The following DHX8 variants were observed in gnomAD, a reference collection of about 807,000 sequenced individuals.
DHX8 encodes the protein ATP-dependent RNA helicase DHX8.
DHX8 carries 67 observed loss-of-function variants against 140.7 expected under a neutral mutation model. The observed-to-expected ratio is 0.48, with a 90% CI of 0.39 to 0.58. The LOEUF is 0.58. DHX8 is among the 20% of genes least tolerant of loss of function. The pLI is 0.00. For missense variants in DHX8, 887 were observed against 1,550.7 expected, an observed-to-expected ratio of 0.57 and a Z score of 7.19; for synonymous variants, 533 against 553.2, an observed-to-expected ratio of 0.96 and a Z score of 0.51.
chr17:43,498,831 T>C lies in DHX8; in HGVS notation c.1301-31T>C, dbSNP rs1301226159. On this transcript the variant is annotated intron_variant, in intron 9 of 22. Transcript: ENST00000262415. ...GAAAATTGTTATTTTTTCTTGTTTA[T>C]GGCTAATTCTTCTTTTGGGGGGACT... 3 of 1,532,354 alleles carry C rather than the reference T, an allele frequency of 2.0e-6. No individual in the cohort carries two copies. In the East Asian group the frequency reaches 7.0e-5, roughly 36 times the overall value. 94.9% of individuals were successfully genotyped at this position (1,532,354 alleles called of 1,614,324 possible).
intron 8 of DHX8, among the ~76,000 whole-genome samples, 173 bp from the exon 9 acceptor site, chr17:43,496,008 G>A (rs1234380165): frequency 6.6e-6 from 1 of 152,112 alleles, no homozygotes; most frequent in Non-Finnish European, 1.5e-5. Context: ...TGAGGTAGGA[G>A]GATTGGTTGA....
At chr17:43,522,565 A>G (rs1170181180) in intron 22 of DHX8, among the ~76,000 whole-genome samples, 2 of 151,844 alleles carry the variant, frequency 1.3e-5, no homozygotes, top group Non-Finnish European at 2.9e-5. Flanking sequence ...CCTGACCAAC[A>G]TGGAGAAACC....
intron 17 of DHX8, among the ~76,000 whole-genome samples, chr17:43,514,819 T>C (rs1026001113): frequency 6.6e-6 from 1 of 152,226 alleles, no homozygotes; most frequent in Non-Finnish European, 1.5e-5. Flanking sequence ...TGCCATAGAA[T>C]GTTGGTGGCA....
chr17:43,498,729 G>T, intron 9 of DHX8, 133 bp from the exon 10 acceptor site: 1 of 620,144 alleles, frequency 1.6e-6, no homozygotes. Flanking sequence ...GATTACAGGC[G>T]TGAGCCACCA....
intron 3 of DHX8, among the ~76,000 whole-genome samples, chr17:43,539,019 A>C (rs535491051): frequency 7.2e-5 from 11 of 152,176 alleles, no homozygotes; most frequent in African/African-American, 2.2e-4. Context: ...CTTGGATTTC[A>C]CCCACGGCCT....
chr17:43,530,259 C>CT, downstream of DHX8: 1 of 1,539,068 alleles, frequency 6.5e-7, no homozygotes, highest in African/African-American at 1.4e-5. Context: ...GTCCTATCCA[C>CT]ATTCAAGAAT....
chr17:43,486,570 T>C (rs921657982), intron 1 of DHX8, among the ~76,000 whole-genome samples: 3 of 152,152 alleles, frequency 2.0e-5, no homozygotes, highest in African/African-American at 4.8e-5. Flanking sequence ...CCCTGTATAA[T>C]TGTGAAAATT....
At chr17:43,490,529 G>A in intron 3 of DHX8, 66 bp downstream of exon 3, 1 of 1,342,536 alleles carries the variant, frequency 7.4e-7, no homozygotes, top group South Asian at 1.2e-5. Flanking sequence ...CCTGTAAATT[G>A]CATTTGTTTT....
chr17:43,535,546 G>C (rs532419033), intron 2 of DHX8, among the ~76,000 whole-genome samples: 1 of 152,248 alleles, frequency 6.6e-6, no homozygotes, highest in East Asian at 1.9e-4. Flanking sequence ...CAAAGTGCTG[G>C]GATTACAGGC....
chr17:43,494,780 T>C (rs1332255728), intron 8 of DHX8, among the ~76,000 whole-genome samples: 1 of 150,632 alleles, frequency 6.6e-6, no homozygotes, highest in African/African-American at 2.4e-5. Flanking sequence ...GTAATTGCTA[T>C]GTAAGTCTTC....
At chr17:43,528,620 C>T, downstream of DHX8, 1 of 1,614,032 alleles carries the variant, frequency 6.2e-7, no homozygotes, top group Non-Finnish European at 8.5e-7. Flanking sequence ...GGGACTGTGT[C>T]CTCCTCACTG....
intron 2 of DHX8, chr17:43,533,277 TG>T (rs749451620): frequency 9.3e-6 from 15 of 1,613,602 alleles, no homozygotes; most frequent in Non-Finnish European, 7.6e-6. Flanking sequence ...GGGAAAGGGC[TG>T]TAGGGGCGAC....
intron 3 of DHX8, among the ~76,000 whole-genome samples, chr17:43,543,381 C>T (rs1664684763): frequency 6.6e-6 from 1 of 152,032 alleles, no homozygotes; most frequent in Non-Finnish European, 1.5e-5. Flanking sequence ...GGTGGGACTT[C>T]CAAGGTAGAG....
downstream of DHX8, chr17:43,526,105 A>C (rs2059187083): frequency 1.0e-6 from 1 of 985,226 alleles, no homozygotes; most frequent in Non-Finnish European, 1.2e-6. Context: ...CAATGTCAGC[A>C]GCTGAGCTGA....
chr17:43,498,238 G>A (rs893549315), intron 9 of DHX8, among the ~76,000 whole-genome samples: 5 of 151,492 alleles, frequency 3.3e-5, no homozygotes, highest in African/African-American at 9.7e-5. Flanking sequence ...TCTGCCTCCC[G>A]GGTTCAAGCG....
Position 43,499,940 on chromosome 17 carries a change from T to A in DHX8, c.1399-16T>A. On this transcript the variant is annotated splice_polypyrimidine_tract_variant and intron_variant, in intron 10 of 22. Coordinates refer to ENST00000262415, the MANE Select transcript of DHX8 (RefSeq NM_004941.3). Reference sequence around the variant, plus strand: ...CGGACATTTAATCCATGTTGTTTTTTCTTCTGTTGCACCAGAACCCAGACG... The same window carrying A: ...CGGACATTTAATCCATGTTGTTTTTACTTCTGTTGCACCAGAACCCAGACG... 1 of 1,612,604 alleles carries A rather than the reference T, an allele frequency of 6.2e-7. No homozygotes were observed. The highest frequency in any genetic ancestry group is 8.5e-7 in the Non-Finnish European group (1 of 1,179,464).
chr17:43,504,751 A>G lies in DHX8; in HGVS notation c.1654A>G (p.Lys552Glu), dbSNP rs959246568. Reference sequence around the variant, plus strand: ...TGGGGGCAACAAAGCCTCTTACGGAAAAAAGACCCAGATGTCAATCCTTGA... The same window carrying G: ...TGGGGGCAACAAAGCCTCTTACGGAGAAAAGACCCAGATGTCAATCCTTGA... Reference protein sequence around the residue: ...AFGGNKASYGKKTQMSILEQR... With the variant: ...AFGGNKASYGEKTQMSILEQR... Residue 552 changes from lysine to glutamate, a missense_variant, in exon 12 of 23, where the codon AAA (lysine) becomes GAA (glutamate). Physicochemically the swap from Lys to Glu is moderately conservative, Grantham distance 56. Coordinates refer to ENST00000262415, the MANE Select transcript of DHX8 (RefSeq NM_004941.3). 1.2e-6 allele frequency: 2 copies of G among 1,614,188 alleles called. No individual in the cohort carries two copies. The highest frequency in any genetic ancestry group is 1.7e-6 in the Non-Finnish European group (2 of 1,180,030).
chr17:43,511,756 C>T (rs1211576167), intron 16 of DHX8, among the ~76,000 whole-genome samples: 1 of 148,634 alleles, frequency 6.7e-6, no homozygotes, highest in Non-Finnish European at 1.5e-5. Flanking sequence ...CCACGCCTGG[C>T]AGATCCCAGC....
intron 1 of DHX8, among the ~76,000 whole-genome samples, chr17:43,487,587 C>T (rs1035397424): frequency 6.6e-5 from 10 of 152,120 alleles, no homozygotes; most frequent in Admixed American, 3.9e-4. Flanking sequence ...CTCCTGGGCT[C>T]GAGCAATCTG....
Sources: allele counts gnomAD v4.1 joint callset (sites outside exome capture counted in the v4.1 genomes callset), GRCh38; gene constraint gnomAD v4.1.1; transcripts MANE v1.5; gene names NCBI Gene and HGNC (gene_info 2026-07-23, HGNC 2026-07-21).